Variants in NLGN1 observed in about 807,000 individuals in gnomAD.
NLGN1 encodes the protein neuroligin-1.
A neutral mutation model predicts 65.5 loss-of-function variants in NLGN1; 12 were observed. The ratio of observed to expected loss-of-function variants is 0.18; its 90% CI spans 0.12 to 0.30. NLGN1 has a LOEUF of 0.30. Among genes scored for constraint, NLGN1 ranks in the 10% least tolerant of loss-of-function variants. NLGN1 has a pLI of 1.00. For missense variants in NLGN1, 750 were observed against 1,007.1 expected (o/e 0.74, Z 3.46); for synonymous variants, 350 against 359.5 (o/e 0.97, Z 0.30).
chr3:173,717,817 C>T lies in NLGN1; in HGVS notation c.494-89863C>T, dbSNP rs139982470. Reference sequence around the variant, plus strand: ...CAATTAAAGATATCAAAATATCTCACGTACCCCATAAATATATAAACCTAC... The same window carrying T: ...CAATTAAAGATATCAAAATATCTCATGTACCCCATAAATATATAAACCTAC... On this transcript the variant is annotated intron_variant, in intron 3 of 6. Coordinates refer to ENST00000457714, the Ensembl canonical transcript of NLGN1. Among the ~76,000 whole-genome samples the T allele has an allele frequency of 2.6e-5, 4 of 152,040 alleles. No individual in the cohort carries two copies. The East Asian group carries it at 5.8e-4, about 22-fold the overall frequency.
intron 4 of NLGN1, among the ~76,000 whole-genome samples, chr3:174,123,493 T>C (rs956245803): frequency 6.6e-6 from 1 of 152,134 alleles, no homozygotes; most frequent in Non-Finnish European, 1.5e-5. Flanking sequence ...CAGTCCCCCA[T>C]TCTCATAGAA....
chr3:174,275,424 C>G (rs373329830), exon 5 of NLGN1: 2 of 1,612,634 alleles, frequency 1.2e-6, no homozygotes, highest in Non-Finnish European at 1.7e-6. Context: ...GTGGTGACCC[C>G]TTAAGAATCA....
intron 2 of NLGN1, among the ~76,000 whole-genome samples, chr3:173,510,943 T>C (rs1024013373): frequency 3.9e-5 from 6 of 152,226 alleles, no homozygotes; most frequent in Non-Finnish European, 8.8e-5. Context: ...CTTTTACTCA[T>C]ACTGACTTAT....
chr3:173,540,775 A>G lies in NLGN1; in HGVS notation c.-320-63504A>G, dbSNP rs544780780. ...TAGACACTATTCCCTAGTGACAACT[A>G]CTCCTGCTTCTGTGTTTAGCTCCTT... On this transcript the variant is annotated intron_variant, in intron 2 of 6. Coordinates refer to ENST00000457714, the Ensembl canonical transcript of NLGN1. Among the ~76,000 whole-genome samples the G allele has an allele frequency of 1.8e-4, 28 of 151,938 alleles. No homozygotes were observed. The South Asian group carries it at 4.0e-3, about 21-fold the overall frequency.
intron 4 of NLGN1, among the ~76,000 whole-genome samples, chr3:174,246,503 C>G (rs780992103): frequency 4.6e-5 from 7 of 152,162 alleles, no homozygotes; most frequent in Non-Finnish European, 1.0e-4. Context: ...ACTGCAAACT[C>G]AAACTCTTGG....
upstream of NLGN1, chr3:173,396,745 G>C (rs527296332): frequency 6.6e-6 from 1 of 152,324 alleles, no homozygotes; most frequent in African/African-American, 2.4e-5. Flanking sequence ...CCTTAATCCC[G>C]GGGATTGCCG....
intron 2 of NLGN1, among the ~76,000 whole-genome samples, chr3:173,455,506 A>G (rs1420655379): frequency 6.6e-6 from 1 of 152,182 alleles, no homozygotes; most frequent in African/African-American, 2.4e-5. Context: ...AATAGATACA[A>G]TAGTAATCAA....
intron 3 of NLGN1, among the ~76,000 whole-genome samples, chr3:173,748,173 G>A (rs964690420): frequency 1.3e-5 from 2 of 151,978 alleles, no homozygotes; most frequent in East Asian, 3.9e-4. Flanking sequence ...AGAAATAACT[G>A]CATTGTTTTA....
intron 2 of NLGN1, among the ~76,000 whole-genome samples, chr3:173,536,230 A>G (rs890444723): frequency 1.3e-5 from 2 of 152,182 alleles, no homozygotes; most frequent in Admixed American, 6.6e-5. Flanking sequence ...AGAGGTGATC[A>G]GGCATAACTC....
At chr3:174,128,105 G>C (rs7630544) in intron 4 of NLGN1, among the ~76,000 whole-genome samples, 22,238 of 152,032 alleles carry the variant, frequency 0.15, 2,849 homozygotes, top group African/African-American at 0.34. Context: ...CCATTGCTAC[G>C]AAACCTCCTA....
intron 2 of NLGN1, among the ~76,000 whole-genome samples, chr3:173,566,149 A>G (rs747836324): frequency 6.6e-6 from 1 of 152,174 alleles, no homozygotes; most frequent in Non-Finnish European, 1.5e-5. Context: ...AAATTAACCT[A>G]AAAAAGAGCT....
At chr3:173,706,183 A>G (rs1768016413) in intron 3 of NLGN1, among the ~76,000 whole-genome samples, 1 of 152,178 alleles carries the variant, frequency 6.6e-6, no homozygotes, top group African/African-American at 2.4e-5. Context: ...ATACCTTTCC[A>G]TACTTTTCAT....
intron 4 of NLGN1, among the ~76,000 whole-genome samples, chr3:174,158,698 TA>T: frequency 6.6e-6 from 1 of 151,838 alleles, no homozygotes; most frequent in South Asian, 2.1e-4. Context: ...TGTGTGGGTA[TA>T]AATGTATTTT....
intron 2 of NLGN1, among the ~76,000 whole-genome samples, chr3:173,539,779 T>TATATATATACATATATAACACAC (rs1560407574): frequency 9.1e-6 from 1 of 109,750 alleles, no homozygotes; most frequent in Non-Finnish European, 1.8e-5. Flanking sequence ...ATATAACACA[T>TATATATATACATATATAACACAC]ATATATGTAC....
At chr3:173,682,332 G>A (rs111575028) in intron 3 of NLGN1, among the ~76,000 whole-genome samples, 16 of 152,066 alleles carry the variant, frequency 1.1e-4, no homozygotes, top group African/African-American at 3.1e-4. Context: ...GCTCACGCCT[G>A]TAATCCCAGC....
chr3:173,578,719 A>T (rs1342099190), intron 2 of NLGN1, among the ~76,000 whole-genome samples: 1 of 152,188 alleles, frequency 6.6e-6, no homozygotes, highest in Non-Finnish European at 1.5e-5. Flanking sequence ...ATTCTATACT[A>T]CATTGCAATG....
intron 3 of NLGN1, among the ~76,000 whole-genome samples, chr3:173,672,688 G>A (rs1762604015): frequency 1.3e-5 from 2 of 152,100 alleles, no homozygotes; most frequent in Admixed American, 1.3e-4. Context: ...CATGTAAGAC[G>A]CTTCTTCATT....
At chr3:173,923,054 C>G (rs1258488339) in intron 4 of NLGN1, among the ~76,000 whole-genome samples, 1 of 151,828 alleles carries the variant, frequency 6.6e-6, no homozygotes, top group Non-Finnish European at 1.5e-5. Flanking sequence ...ATTTCATCAA[C>G]ATTTTTTCAG....
At chr3:173,538,995 A>G (rs2149213363) in intron 2 of NLGN1, among the ~76,000 whole-genome samples, 1 of 151,846 alleles carries the variant, frequency 6.6e-6, no homozygotes, top group Admixed American at 6.6e-5. Flanking sequence ...ACCATCAGCC[A>G]CAGCCCCTGA....
Sources: gnomAD v4.1 joint callset for allele counts (sites outside exome capture counted in the v4.1 genomes callset) on GRCh38, gnomAD v4.1.1 for gene constraint, MANE v1.5 for transcripts, NCBI Gene and HGNC (gene_info 2026-07-23, HGNC 2026-07-21) for gene names.